Variants in UGT2B17 observed in about 807,000 individuals in gnomAD.
UGT2B17 encodes UDP-glucuronosyltransferase 2B17.
Under a neutral mutation model 48.2 loss-of-function variants are expected in UGT2B17, and 21 were observed. That is an observed-to-expected ratio of 0.44 (90% confidence interval 0.31 to 0.63). UGT2B17 has a LOEUF of 0.63. Among genes scored for constraint, UGT2B17 ranks in the 20% least tolerant of loss-of-function variants. The pLI is 0.08. For missense variants in UGT2B17, 402 were observed against 696.1 expected (o/e 0.58, Z 4.75); for synonymous variants, 146 against 238.4 (o/e 0.61, Z 3.57).
chr4:68,554,066 C>T (rs1182786866), intron 4 of UGT2B17, among the ~76,000 whole-genome samples: 3 of 124,944 alleles, frequency 2.4e-5, no homozygotes, highest in Admixed American at 8.3e-5. Context: ...GGGCAGATCA[C>T]CCAGCATTTT....
At position 68,564,358 on chromosome 4, in the gene UGT2B17, G is replaced by A. The variant is rs1246887583; in HGVS notation, c.873+1214C>T. Among the ~76,000 whole-genome samples the A allele has an allele frequency of 4.5e-5, 5 of 111,244 alleles. No individual in the cohort carries two copies. In the Admixed American group the frequency reaches 4.8e-4, roughly 11 times the overall value. The allele number at this position is 111,244 out of a possible 152,430, so 73.0% of individuals were successfully genotyped here. A position where few individuals can be genotyped will look rare whatever the true frequency, so the allele number is the denominator to read the frequency against. ...GGCTGTTGTGCAATAGCATGATCTCGGCTCTCTGCAACCTCTGCCTCCCGC... is the reference window on the plus strand; with the variant it reads ...GGCTGTTGTGCAATAGCATGATCTCAGCTCTCTGCAACCTCTGCCTCCCGC... On this transcript the variant is annotated intron_variant, in intron 3 of 6. Coordinates refer to ENST00000317746, the MANE Select transcript of UGT2B17 (RefSeq NM_001077.4).
chr4:68,555,723 T>C (rs1392271182), intron 4 of UGT2B17, among the ~76,000 whole-genome samples: 1 of 124,600 alleles, frequency 8.0e-6, no homozygotes, highest in Non-Finnish European at 1.7e-5. Flanking sequence ...TTATATTAAA[T>C]TAAATAATAG....
rs1409602203 is a variant in UGT2B17 at position 68,569,798 on chromosome 4, A to C, written c.-64-1250T>G. Among the ~76,000 whole-genome samples, 11 of 125,876 alleles carry C rather than the reference A, an allele frequency of 8.7e-5. 2 individuals are homozygous for C. The highest frequency in any genetic ancestry group is 1.0e-4 in the Non-Finnish European group (6 of 59,352). 82.6% of individuals were successfully genotyped at this position (125,876 alleles called of 152,430 possible). The stretch of plus-strand genomic sequence containing the variant: ...ACTCTTTACAGAGAACTATAAAACC[A>C]CTGTCCCATCCTCACTTGGGGCTGA... On this transcript the variant is annotated intron_variant, in intron 1 of 6. Coordinates refer to ENST00000317746, the MANE Select transcript of UGT2B17 (RefSeq NM_001077.4).
At chr4:68,550,278 T>G (rs1730891052) in intron 6 of UGT2B17, among the ~76,000 whole-genome samples, 1 of 125,400 alleles carries the variant, frequency 8.0e-6, no homozygotes, top group African/African-American at 2.7e-5. Context: ...ATTTTCAAAT[T>G]GATTAAAATA....
rs1440465331 is a variant in UGT2B17, at chr4:68,563,545, G to C, written c.873+2027C>G. ...GAATCAGAATCACTTGAACCTAGAG[G>C]GTGGAGGTTGCAGTGAGCTGAGATC... is the stretch of plus-strand genomic sequence containing the variant. On this transcript the variant is annotated intron_variant, in intron 3 of 6. Coordinates refer to ENST00000317746, the MANE Select transcript of UGT2B17 (RefSeq NM_001077.4). Among the ~76,000 whole-genome samples the C allele has an allele frequency of 2.4e-5, 3 of 126,440 alleles. 1 individual carries two copies. The Admixed American group carries it at 2.4e-4, about 10-fold the overall frequency. 82.9% of individuals were successfully genotyped at this position (126,440 alleles called of 152,430 possible). A position where few individuals can be genotyped will look rare whatever the true frequency, so the allele number is the denominator to read the frequency against.
chr4:68,565,460 T>A, intron 3 of UGT2B17, 112 bp downstream of exon 3: 1 of 1,009,842 alleles, frequency 9.9e-7, no homozygotes, highest in Non-Finnish European at 1.3e-6. Context: ...GCAAGTCCTT[T>A]TTTTTGACCT....
intron 6 of UGT2B17, among the ~76,000 whole-genome samples, chr4:68,549,358 A>G (rs1730875069): frequency 8.1e-6 from 1 of 124,078 alleles, no homozygotes; most frequent in Non-Finnish European, 1.7e-5. Flanking sequence ...AAAAAAAAAA[A>G]AAATCTATCT....
chr4:68,566,235 T>C (rs1731200566), intron 2 of UGT2B17, among the ~76,000 whole-genome samples: 1 of 122,754 alleles, frequency 8.1e-6, no homozygotes, highest in African/African-American at 2.8e-5. Flanking sequence ...ATTTAATTTT[T>C]ATGTATTGCA....
chr4:68,549,645 G>A (rs1288344918), intron 6 of UGT2B17, among the ~76,000 whole-genome samples: 1 of 125,350 alleles, frequency 8.0e-6, no homozygotes, highest in Admixed American at 8.2e-5. Flanking sequence ...AAAGACAGGT[G>A]ATAACAAGTG....
chr4:68,575,179 A>G lies in UGT2B17; in HGVS notation c.-65+772T>C. Among the ~76,000 whole-genome samples the G allele has an allele frequency of 1.8e-5, 2 of 109,624 alleles. 1 individual carries two copies. The highest frequency in any genetic ancestry group is 3.6e-5 in the Non-Finnish European group (2 of 55,570). The allele number at this position is 109,624 out of a possible 152,430, so 71.9% of individuals were successfully genotyped here. ...TAGTCTAAATTTACTTAGAATTGGTATAGATGGCCTTTTTTTTTTTTTTCT... is the reference window on the plus strand; with the variant it reads ...TAGTCTAAATTTACTTAGAATTGGTGTAGATGGCCTTTTTTTTTTTTTTCT... On this transcript the variant is annotated intron_variant, in intron 1 of 6. Transcript: ENST00000317746.
chr4:68,558,111 T>A (rs1162193499), intron 4 of UGT2B17, among the ~76,000 whole-genome samples: 1 of 123,218 alleles, frequency 8.1e-6, no homozygotes, highest in Non-Finnish European at 1.7e-5. Flanking sequence ...AAAATTATTC[T>A]TCCTCCTCTG....
chr4:68,567,754 G>C lies in UGT2B17; in HGVS notation c.724+7C>G. Reference sequence around the variant, plus strand: ...CTTAATAAACACCAATTGGACACACGACTTACCTAGAACTTCACTATAAAA... The same window carrying C: ...CTTAATAAACACCAATTGGACACACCACTTACCTAGAACTTCACTATAAAA... On this transcript the variant is annotated splice_region_variant and intron_variant, in intron 2 of 6. Transcript: ENST00000317746. 1 of 1,308,826 alleles carries C rather than the reference G, an allele frequency of 7.6e-7. No individual in the cohort carries two copies. The highest frequency in any genetic ancestry group is 9.8e-7 in the Non-Finnish European group (1 of 1,023,400). The allele number at this position is 1,308,826 out of a possible 1,614,324, so 81.1% of individuals were successfully genotyped here. A position where few individuals can be genotyped will look rare whatever the true frequency, so the allele number is the denominator to read the frequency against.
chr4:68,570,707 T>C (rs1338564973), intron 1 of UGT2B17, among the ~76,000 whole-genome samples: 1 of 126,176 alleles, frequency 7.9e-6, no homozygotes, highest in Non-Finnish European at 1.7e-5. Flanking sequence ...AAGCTTTTTA[T>C]CATTTGAAGA....
At position 68,550,194 on chromosome 4, in the gene UGT2B17, G is replaced by A. The variant is rs922135898; in HGVS notation, c.1313+483C>T. ...AAATGTTATTTAGGGTTGTGGCTTCGTAACTATGTAAACATACTAAATATA... is the reference window on the plus strand; with the variant it reads ...AAATGTTATTTAGGGTTGTGGCTTCATAACTATGTAAACATACTAAATATA... On this transcript the variant is annotated intron_variant, in intron 6 of 6. Transcript: ENST00000317746. 5.1e-4 allele frequency among the ~76,000 whole-genome samples: 63 copies of A among 124,258 alleles called. 15 individuals carry two copies. The highest frequency in any genetic ancestry group is 8.1e-4 in the Non-Finnish European group (48 of 59,016). The allele number at this position is 124,258 out of a possible 152,430, so 81.5% of individuals were successfully genotyped here.
rs550800733 is a variant in UGT2B17, at chr4:68,548,431, A to G, written c.1313+2246T>C. On this transcript the variant is annotated intron_variant, in intron 6 of 6. Coordinates refer to ENST00000317746, the MANE Select transcript of UGT2B17 (RefSeq NM_001077.4). ...CACACACCGGGGCCTGCTTGGGGGT[A>G]GCGGGAGTGGGGAGGGATAGCATTA... Among the ~76,000 whole-genome samples, 4 of 124,494 alleles carry G rather than the reference A, an allele frequency of 3.2e-5. 1 individual carries two copies. In the South Asian group the frequency reaches 1.5e-3, roughly 48 times the overall value. 81.7% of individuals were successfully genotyped at this position (124,494 alleles called of 152,430 possible).
In UGT2B17 at chr4:68,556,657, C is replaced by G. The variant is rs781108475; in HGVS notation, c.1005+3880G>C. ...CTGACTTCTTAATAAAGATTATAAA[C>G]GTTATGAAAGGCTGAGGAAAGTTAT... On this transcript the variant is annotated intron_variant, in intron 4 of 6. Coordinates refer to ENST00000317746, the MANE Select transcript of UGT2B17 (RefSeq NM_001077.4). Among the ~76,000 whole-genome samples the G allele has an allele frequency of 9.5e-5, 12 of 125,724 alleles. 1 individual carries two copies. The highest frequency in any genetic ancestry group is 2.2e-4 in the African/African-American group (8 of 36,950). 82.5% of individuals were successfully genotyped at this position (125,724 alleles called of 152,430 possible). A position where few individuals can be genotyped will look rare whatever the true frequency, so the allele number is the denominator to read the frequency against.
Position 68,549,467 on chromosome 4 carries a change from G to C in UGT2B17, c.1313+1210C>G, listed in dbSNP as rs1171567381. ...TTATGAATCCATAATAAGGTAAATA[G>C]AAAAATGACAAAATGTTCACAAGAT... On this transcript the variant is annotated intron_variant, in intron 6 of 6. Coordinates refer to ENST00000317746, the MANE Select transcript of UGT2B17 (RefSeq NM_001077.4). 8.9e-5 allele frequency among the ~76,000 whole-genome samples: 11 copies of C among 124,284 alleles called. 2 individuals are homozygous for C. Among genetic ancestry groups the C allele is most frequent in the Non-Finnish European group, 1.4e-4 (8 of 58,980 alleles). The allele number at this position is 124,284 out of a possible 152,430, so 81.5% of individuals were successfully genotyped here.
At position 68,537,790 on chromosome 4, in the gene UGT2B17, G is replaced by A. The variant is rs1376940122; in HGVS notation, c.1428C>T (p.His476=). The A allele has an allele frequency of 6.5e-6, 9 of 1,379,818 alleles. 1 individual carries two copies. The highest frequency in any genetic ancestry group is 7.6e-6 in the Non-Finnish European group (8 of 1,055,094). 85.5% of individuals were successfully genotyped at this position (1,379,818 alleles called of 1,614,324 possible). Residue 476 remains histidine, a synonymous_variant, in exon 7 of 7, where the codon CAC becomes CAT. Transcript: ENST00000317746. The part of the protein sequence containing the change: ...EFVMRHKGAK[H]LRVAAHNLTW... ...TGAGGTTGTGGGCTGCGACCCGAAG[G>A]TGCTTGGCTCCTTTATGGCGCATGA...
At chr4:68,567,004 A>C (rs1305615105) in intron 2 of UGT2B17, among the ~76,000 whole-genome samples, 1 of 120,188 alleles carries the variant, frequency 8.3e-6, no homozygotes, top group Non-Finnish European at 1.7e-5. Context: ...TTAAGATCTT[A>C]ATATAATTAG....
Sources: allele counts gnomAD v4.1 joint callset (sites outside exome capture counted in the v4.1 genomes callset), GRCh38; gene constraint gnomAD v4.1.1; transcripts MANE v1.5; gene names NCBI Gene and HGNC (gene_info 2026-07-23, HGNC 2026-07-21).